Variants in GRIK2 observed in about 807,000 individuals in gnomAD.
GRIK2 encodes the protein glutamate ionotropic receptor kainate type subunit 2.
A neutral mutation model predicts 100.3 loss-of-function variants in GRIK2; 32 were observed. The ratio of observed to expected loss-of-function variants is 0.32; its 90% CI spans 0.24 to 0.43. GRIK2 has a LOEUF of 0.43. Among genes scored for constraint, GRIK2 ranks in the 20% least tolerant of loss-of-function variants. The pLI, the probability that GRIK2 is intolerant of heterozygous loss-of-function variation, is 1.00. For synonymous variants in GRIK2, 417 were observed against 389.4 expected, an observed-to-expected ratio of 1.07 and a Z score of -0.83; for missense variants, 843 against 1,114.9, an observed-to-expected ratio of 0.76 and a Z score of 3.47.
intron 14 of GRIK2, among the ~76,000 whole-genome samples, chr6:101,987,753 T>A (rs1303487459): frequency 6.6e-6 from 1 of 151,430 alleles, no homozygotes; most frequent in African/African-American, 2.4e-5. Flanking sequence ...AATTATAGAT[T>A]TGTAACATTT....
At chr6:101,835,915 A>G (rs1263682640) in intron 10 of GRIK2, among the ~76,000 whole-genome samples, 1 of 55,648 alleles carries the variant, frequency 1.8e-5, no homozygotes, top group East Asian at 2.6e-4. Context: ...TCTGTGCTAC[A>G]GCCCCATTTC....
At chr6:102,043,245 CTAAT>C (rs1770691068) in intron 15 of GRIK2, among the ~76,000 whole-genome samples, 3 of 149,412 alleles carry the variant, frequency 2.0e-5, no homozygotes. Flanking sequence ...AATGATTAAA[CTAAT>C]TAGCATATCA....
chr6:101,988,161 G>T (rs6936827), intron 14 of GRIK2, among the ~76,000 whole-genome samples: 1 of 141,750 alleles, frequency 7.1e-6, no homozygotes, highest in Non-Finnish European at 1.6e-5. Flanking sequence ...GCGCGTGCGC[G>T]CACATGCAAG....
At chr6:101,743,535 C>T (rs541155088) in intron 7 of GRIK2, among the ~76,000 whole-genome samples, 14 of 152,206 alleles carry the variant, frequency 9.2e-5, no homozygotes, top group African/African-American at 3.4e-4. Context: ...TTATCTTGGC[C>T]TTTAGAGGCT....
At chr6:101,931,488 G>T (rs1247994322) in intron 14 of GRIK2, among the ~76,000 whole-genome samples, 2 of 152,120 alleles carry the variant, frequency 1.3e-5, no homozygotes, top group Non-Finnish European at 2.9e-5. Context: ...AGCAAGAAGA[G>T]CTGGCTCCAG....
chr6:101,535,626 T>G (rs1475265267), intron 2 of GRIK2, among the ~76,000 whole-genome samples: 4 of 151,750 alleles, frequency 2.6e-5, no homozygotes, highest in African/African-American at 9.7e-5. Flanking sequence ...TTAACTCTAG[T>G]ATGAAAAATT....
chr6:101,646,546 GT>G (rs1398208306), intron 4 of GRIK2, among the ~76,000 whole-genome samples: 1 of 151,682 alleles, frequency 6.6e-6, no homozygotes, highest in Non-Finnish European at 1.5e-5. Context: ...ATATATTTTA[GT>G]TTACTTTAAT....
At chr6:102,038,817 T>A (rs1770416471) in intron 15 of GRIK2, among the ~76,000 whole-genome samples, 1 of 151,336 alleles carries the variant, frequency 6.6e-6, no homozygotes, top group Non-Finnish European at 1.5e-5. Context: ...GCTTTTTAAT[T>A]TATATATTCA....
intron 9 of GRIK2, among the ~76,000 whole-genome samples, chr6:101,813,943 G>A (rs1781483318): frequency 6.8e-6 from 1 of 146,360 alleles, no homozygotes; most frequent in South Asian, 2.1e-4. Flanking sequence ...CAGCTTGAAG[G>A]ACAAAGCAAG....
chr6:102,047,544 T>C (rs925161840), intron 15 of GRIK2, among the ~76,000 whole-genome samples: 6 of 152,124 alleles, frequency 3.9e-5, no homozygotes, highest in South Asian at 4.1e-4. Flanking sequence ...GGTCAGGAGT[T>C]CGAGACCAGC....
intron 12 of GRIK2, among the ~76,000 whole-genome samples, chr6:101,923,364 T>C (rs1789677208): frequency 6.6e-6 from 1 of 152,166 alleles, no homozygotes; most frequent in African/African-American, 2.4e-5. Flanking sequence ...AAAGCATATT[T>C]AATTGTGGGT....
chr6:102,023,109 A>C (rs1278910582), intron 14 of GRIK2, among the ~76,000 whole-genome samples: 1 of 151,536 alleles, frequency 6.6e-6, no homozygotes, highest in African/African-American at 2.4e-5. Flanking sequence ...ATTTAAATTT[A>C]AAATATATGG....
intron 14 of GRIK2, among the ~76,000 whole-genome samples, chr6:101,932,821 A>G (rs954196610): frequency 3.9e-5 from 6 of 151,960 alleles, no homozygotes; most frequent in African/African-American, 1.2e-4. Flanking sequence ...GACATGTAAC[A>G]TAAACCTTTA....
chr6:101,554,593 C>A (rs1388632182), intron 2 of GRIK2, among the ~76,000 whole-genome samples: 2 of 152,072 alleles, frequency 1.3e-5, no homozygotes, highest in Non-Finnish European at 1.5e-5. Context: ...GAGAACTGTC[C>A]ATCAAACTCT....
chr6:101,710,949 G>T (rs1773654224), intron 7 of GRIK2, among the ~76,000 whole-genome samples: 1 of 151,596 alleles, frequency 6.6e-6, no homozygotes, highest in Admixed American at 6.6e-5. Flanking sequence ...GTTGACTTTG[G>T]CACCTATCTG....
intron 14 of GRIK2, among the ~76,000 whole-genome samples, chr6:102,025,810 C>T (rs964722057): frequency 1.3e-5 from 2 of 150,880 alleles, no homozygotes; most frequent in Non-Finnish European, 3.0e-5. Context: ...TTATACCAAG[C>T]TGGTGGTCAA....
chr6:102,058,991 T>C (rs190706203), intron 16 of GRIK2, among the ~76,000 whole-genome samples: 151 of 151,388 alleles, frequency 1.0e-3, no homozygotes, highest in Admixed American at 3.0e-3. Context: ...TTATAATATA[T>C]TAATTTATGG....
Position 101,963,278 on chromosome 6 carries a change from A to ATTTTTTTTTTTTTTTTTTTTTTT in GRIK2, c.2085+34661_2085+34683dup. ...TATTTCATATTTATACTTATTTAGG[A>ATTTTTTTTTTTTTTTTTTTTTTT]TTTTTTTTTTTTTTTTTTTTTTTTT... is the stretch of plus-strand genomic sequence containing the variant. On this transcript the variant is annotated intron_variant, in intron 14 of 16. Transcript: ENST00000369134. Among the ~76,000 whole-genome samples, 2 of 27,822 alleles carry ATTTTTTTTTTTTTTTTTTTTTTT rather than the reference A, an allele frequency of 7.2e-5. 1 individual carries two copies. The highest frequency in any genetic ancestry group is 1.4e-4 in the Non-Finnish European group (2 of 14,022). 18.3% of individuals were successfully genotyped at this position (27,822 alleles called of 152,430 possible).
chr6:101,485,105 G>A (rs1001169054), intron 2 of GRIK2, among the ~76,000 whole-genome samples: 3 of 152,048 alleles, frequency 2.0e-5, no homozygotes, highest in Non-Finnish European at 2.9e-5. Flanking sequence ...TTCAGCAAAC[G>A]GAATAGGTCT....
Sources: allele counts gnomAD v4.1 joint callset (sites outside exome capture counted in the v4.1 genomes callset), GRCh38; gene constraint gnomAD v4.1.1; transcripts MANE v1.5; gene names NCBI Gene and HGNC (gene_info 2026-07-23, HGNC 2026-07-21).